NR6A1: variants seen among roughly 807,000 people sequenced by gnomAD.
NR6A1 encodes retinoic acid receptor-related testis-associated receptor.
Under a neutral mutation model 59.1 loss-of-function variants are expected in NR6A1, and 7 were observed. The observed-to-expected ratio is 0.12, with a 90% CI of 0.07 to 0.22. The LOEUF (loss-of-function observed/expected upper bound fraction) is 0.22, where lower values mean the gene tolerates loss of function less well. Among genes scored for constraint, NR6A1 ranks in the 10% least tolerant of loss-of-function variants. The probability of loss-of-function intolerance (pLI) is 1.00; values close to 1 mark genes in which losing one functional copy is unlikely to be tolerated. For synonymous variants in NR6A1, 243 were observed against 236.1 expected (o/e 1.03, Z -0.27); for missense variants, 468 against 611.6 (o/e 0.77, Z 2.48).
At chr9:124,584,653 G>A (rs959237633) in intron 2 of NR6A1, among the ~76,000 whole-genome samples, 5 of 152,050 alleles carry the variant, frequency 3.3e-5, no homozygotes, top group African/African-American at 1.2e-4. Flanking sequence ...GAACTTAATC[G>A]AAAAATGTTG....
At chr9:124,673,132 G>A (rs2130972465) in intron 2 of NR6A1, among the ~76,000 whole-genome samples, 1 of 152,118 alleles carries the variant, frequency 6.6e-6, no homozygotes, top group African/African-American at 2.4e-5. Context: ...GATCAGCCTC[G>A]GCAACATGGC....
intron 2 of NR6A1, among the ~76,000 whole-genome samples, chr9:124,723,000 T>C (rs1564254217): frequency 6.6e-6 from 1 of 152,134 alleles, no homozygotes; most frequent in Non-Finnish European, 1.5e-5. Flanking sequence ...CACTTAACTT[T>C]CAAGTCTCTT....
chr9:124,717,682 C>T (rs1180155447), intron 2 of NR6A1, among the ~76,000 whole-genome samples: 1 of 152,180 alleles, frequency 6.6e-6, no homozygotes, highest in Non-Finnish European at 1.5e-5. Flanking sequence ...AACCTTAACA[C>T]TTTAGATCTA....
intron 1 of NR6A1, among the ~76,000 whole-genome samples, chr9:124,750,481 C>T (rs1382496124): frequency 6.6e-6 from 1 of 152,172 alleles, no homozygotes; most frequent in Non-Finnish European, 1.5e-5. Context: ...AATAAATAGG[C>T]CAGGCGCGGT....
intron 2 of NR6A1, among the ~76,000 whole-genome samples, chr9:124,593,068 T>C (rs895240199): frequency 1.1e-4 from 17 of 152,228 alleles, no homozygotes; most frequent in Non-Finnish European, 5.9e-5. Context: ...CACAATTTCA[T>C]TGGCGGAACT....
At chr9:124,650,460 A>AAGAG (rs1400509318) in intron 2 of NR6A1, among the ~76,000 whole-genome samples, 1 of 152,188 alleles carries the variant, frequency 6.6e-6, no homozygotes, top group Non-Finnish European at 1.5e-5. Flanking sequence ...GTGGGGGATG[A>AAGAG]AGAGAGGTTG....
chr9:124,726,918 T>G (rs913098858), intron 2 of NR6A1, among the ~76,000 whole-genome samples: 26 of 152,230 alleles, frequency 1.7e-4, no homozygotes, highest in African/African-American at 6.0e-4. Flanking sequence ...GGTTTTCTGA[T>G]GGAAATAATA....
intron 3 of NR6A1, among the ~76,000 whole-genome samples, chr9:124,550,942 T>C (rs1588659246): frequency 6.6e-6 from 1 of 152,338 alleles, no homozygotes; most frequent in East Asian, 1.9e-4. Context: ...TTTTATCCTT[T>C]GGGTTATAAA....
At chr9:124,621,908 C>T (rs1426302762) in intron 2 of NR6A1, among the ~76,000 whole-genome samples, 2 of 152,008 alleles carry the variant, frequency 1.3e-5, no homozygotes, top group African/African-American at 2.4e-5. Flanking sequence ...TTCCCAGCAC[C>T]AGGCAAGCAA....
At chr9:124,769,787 G>C (rs1841058423) in intron 1 of NR6A1, among the ~76,000 whole-genome samples, 1 of 152,198 alleles carries the variant, frequency 6.6e-6, no homozygotes, top group African/African-American at 2.4e-5. Flanking sequence ...AGCGTTTGCC[G>C]GCCGGTGCGA....
At chr9:124,648,366 T>C (rs1013709563) in intron 2 of NR6A1, among the ~76,000 whole-genome samples, 1 of 152,126 alleles carries the variant, frequency 6.6e-6, no homozygotes, top group African/African-American at 2.4e-5. Flanking sequence ...ATACATGTGA[T>C]CATTTTAAAA....
At chr9:124,537,764 T>C (rs1276287565) in intron 6 of NR6A1, among the ~76,000 whole-genome samples, 1 of 152,074 alleles carries the variant, frequency 6.6e-6, no homozygotes, top group Non-Finnish European at 1.5e-5. Context: ...TATATAACTA[T>C]TCCCAGAATT....
chr9:124,567,880 A>G (rs1405565173), intron 2 of NR6A1, among the ~76,000 whole-genome samples: 18 of 144,858 alleles, frequency 1.2e-4, no homozygotes, highest in Non-Finnish European at 2.5e-4. Flanking sequence ...ATACGCATTT[A>G]AAAAAGAGAA....
chr9:124,574,337 G>A (rs1331621086), intron 2 of NR6A1, among the ~76,000 whole-genome samples: 2 of 152,178 alleles, frequency 1.3e-5, no homozygotes, highest in Non-Finnish European at 2.9e-5. Flanking sequence ...TCAGAGGCAG[G>A]AGGTAGTAGA....
chr9:124,762,763 G>C (rs1490065515), intron 1 of NR6A1, among the ~76,000 whole-genome samples: 1 of 152,126 alleles, frequency 6.6e-6, no homozygotes, highest in African/African-American at 2.4e-5. Flanking sequence ...CTGAATTACT[G>C]AGATATTCAG....
rs1832794997 is a variant in NR6A1 at position 124,521,198 on chromosome 9, G to A, written c.*1507C>T. The A allele has an allele frequency of 6.6e-6, 1 of 152,348 alleles. No homozygotes were observed. Among genetic ancestry groups the A allele is most frequent in the Non-Finnish European group, 1.5e-5 (1 of 68,128 alleles). The allele number at this position is 152,348 out of a possible 1,614,324, so 9.4% of individuals were successfully genotyped here. On this transcript the variant is annotated 3_prime_UTR_variant, in exon 10 of 10. Coordinates refer to ENST00000487099, the MANE Select transcript of NR6A1 (RefSeq NM_033334.4). ...GTGTAGGCAGGACAAGCACCTGAAA[G>A]AGTTCAAAGACAGACCTGGTGTAGC...
intron 2 of NR6A1, among the ~76,000 whole-genome samples, chr9:124,625,637 G>T (rs1362078721): frequency 6.6e-6 from 1 of 152,168 alleles, no homozygotes; most frequent in Non-Finnish European, 1.5e-5. Flanking sequence ...TCTAGAGTGT[G>T]ATAGTTATTT....
chr9:124,768,091 A>T (rs1205778142), intron 1 of NR6A1, among the ~76,000 whole-genome samples: 1 of 152,186 alleles, frequency 6.6e-6, no homozygotes, highest in African/African-American at 2.4e-5. Context: ...GGCTAGAAAG[A>T]AACTCTGTTC....
At chr9:124,642,639 C>G (rs966400449) in intron 2 of NR6A1, among the ~76,000 whole-genome samples, 7 of 152,098 alleles carry the variant, frequency 4.6e-5, no homozygotes, top group African/African-American at 1.7e-4. Context: ...CAGTTGAGAG[C>G]CATGTAACAC....
Sources: allele counts gnomAD v4.1 joint callset (sites outside exome capture counted in the v4.1 genomes callset), GRCh38; gene constraint gnomAD v4.1.1; transcripts MANE v1.5; gene names NCBI Gene and HGNC (gene_info 2026-07-23, HGNC 2026-07-21).